Variants in FAM76B observed in about 807,000 individuals in gnomAD.
FAM76B encodes the protein protein FAM76B.
FAM76B carries 16 observed loss-of-function variants against 51.8 expected under a neutral mutation model. That is an observed-to-expected ratio of 0.31 (90% CI 0.21 to 0.47). The LOEUF is 0.47. Ranked by LOEUF, FAM76B falls within the 20% of genes least tolerant of loss-of-function variation. The pLI, the probability that FAM76B is intolerant of heterozygous loss-of-function variation, is 1.00. For missense variants in FAM76B, 342 were observed against 392.6 expected (o/e 0.87, Z 1.09); for synonymous variants, 166 against 129.5 (o/e 1.28, Z -1.91).
chr11:95,786,904 T>C (rs1319259722), intron 3 of FAM76B: 1 of 152,298 alleles, frequency 6.6e-6, no homozygotes, highest in East Asian at 1.9e-4. Flanking sequence ...GATTGTAGTA[T>C]ACATATAAGA....
At chr11:95,780,693 C>T in intron 5 of FAM76B, among the ~76,000 whole-genome samples, 1 of 151,902 alleles carries the variant, frequency 6.6e-6, no homozygotes, top group East Asian at 1.9e-4. Context: ...GAACCAGATG[C>T]CACGTATTTA....
chr11:95,772,818 C>CT (rs1279602872), intron 9 of FAM76B, among the ~76,000 whole-genome samples: 3 of 151,082 alleles, frequency 2.0e-5, no homozygotes, highest in Non-Finnish European at 3.0e-5. Context: ...CCCCACCCTT[C>CT]TTCTCCAATC....
chr11:95,784,928 CACAA>C (rs1190122755), intron 4 of FAM76B, among the ~76,000 whole-genome samples: 1 of 152,068 alleles, frequency 6.6e-6, no homozygotes, highest in Non-Finnish European at 1.5e-5. Flanking sequence ...CAAACAGGAA[CACAA>C]ACAAAATAAG....
intron 3 of FAM76B, 68 bp downstream of exon 3, chr11:95,787,556 T>C (rs1237086138): frequency 6.7e-7 from 1 of 1,498,204 alleles, no homozygotes; most frequent in Non-Finnish European, 9.2e-7. Context: ...ACATATTTTT[T>C]TAAAAGGTCC....
intron 8 of FAM76B, among the ~76,000 whole-genome samples, chr11:95,778,311 A>C (rs1281136228): frequency 6.6e-6 from 1 of 151,584 alleles, no homozygotes; most frequent in African/African-American, 2.4e-5. Flanking sequence ...AGTCCCAATA[A>C]GTACACTTAC....
chr11:95,786,448 A>AG (rs1860593854), intron 3 of FAM76B, 174 bp from the exon 4 acceptor site: 1 of 570,162 alleles, frequency 1.8e-6, no homozygotes, highest in Non-Finnish European at 3.0e-6. Flanking sequence ...ATTTCTATGC[A>AG]TTCAACTAGT....
intron 9 of FAM76B, among the ~76,000 whole-genome samples, chr11:95,775,012 A>C (rs12282411): frequency 2.1e-3 from 311 of 151,378 alleles, no homozygotes; most frequent in African/African-American, 7.2e-3. Flanking sequence ...TGAAAAAAAA[A>C]AAACAAAATG....
intron 9 of FAM76B, 88 bp downstream of exon 9, chr11:95,775,834 G>T: frequency 1.3e-6 from 1 of 752,082 alleles, no homozygotes; most frequent in Non-Finnish European, 2.0e-6. Context: ...CACAAAATAG[G>T]GCTACCAATA....
At position 95,789,541 on chromosome 11, in the gene FAM76B, G is replaced by C. The variant is rs1224051621; in HGVS notation, c.-63C>G. On this transcript the variant is annotated 5_prime_UTR_variant, in exon 1 of 10. Coordinates refer to ENST00000358780, the MANE Select transcript of FAM76B (RefSeq NM_144664.5). ...CGAGGCGGGGCCCTACGGAGAACCC[G>C]AGAGCCGCCGCCGCCCGGGCCGCGG... The C allele has an allele frequency of 9.5e-6, 14 of 1,469,066 alleles. No homozygotes were observed. Among genetic ancestry groups the C allele is most frequent in the Non-Finnish European group, 1.3e-5 (14 of 1,088,230 alleles). The allele number at this position is 1,469,066 out of a possible 1,614,324, so 91.0% of individuals were successfully genotyped here. A position where few individuals can be genotyped will look rare whatever the true frequency, so the allele number is the denominator to read the frequency against.
chr11:95,774,187 T>C (rs1859894966), intron 9 of FAM76B, among the ~76,000 whole-genome samples: 1 of 151,310 alleles, frequency 6.6e-6, no homozygotes, highest in African/African-American at 2.4e-5. Flanking sequence ...AAAGTATAGA[T>C]AAACTGGAGT....
At chr11:95,775,606 T>C (rs2120201037) in intron 9 of FAM76B, among the ~76,000 whole-genome samples, 1 of 151,308 alleles carries the variant, frequency 6.6e-6, no homozygotes, top group South Asian at 2.1e-4. Flanking sequence ...CTTAGTTTCA[T>C]TAATCTGATT....
In FAM76B at chr11:95,777,856, T is replaced by C. The variant is rs548478991; in HGVS notation, c.828+966A>G. Among the ~76,000 whole-genome samples the C allele has an allele frequency of 9.2e-5, 14 of 151,556 alleles. No individual in the cohort carries two copies. In the South Asian group the frequency reaches 2.3e-3, roughly 25 times the overall value. ...GGCCTTATTCTTTTAAAAGAAATGA[T>C]TTTAGTGTTCTCCTACTGCATAATA... On this transcript the variant is annotated intron_variant, in intron 8 of 9. Coordinates refer to ENST00000358780, the MANE Select transcript of FAM76B (RefSeq NM_144664.5).
At position 95,776,256 on chromosome 11, in the gene FAM76B, TTTTC is replaced by T. The variant is rs1338237746; in HGVS notation, c.829-237_829-234del. On this transcript the variant is annotated intron_variant, in intron 8 of 9. Transcript: ENST00000358780. ...CCTGACCATCAGTAAAACTTCTCAG[TTTTC>T]TTTTTTTCCTAAACATGGCTCGACT... 2.0e-5 allele frequency among the ~76,000 whole-genome samples: 3 copies of T among 151,456 alleles called. No individual in the cohort carries two copies. The East Asian group carries it at 5.8e-4, about 29-fold the overall frequency.
chr11:95,782,990 G>T, intron 5 of FAM76B, 75 bp downstream of exon 5: 1 of 1,560,676 alleles, frequency 6.4e-7, no homozygotes, highest in Non-Finnish European at 8.7e-7. Context: ...GTCAATATTT[G>T]CAAGAAGTAA....
intron 1 of FAM76B, 170 bp downstream of exon 1, chr11:95,789,222 G>A: frequency 1.0e-6 from 1 of 963,302 alleles, no homozygotes; most frequent in East Asian, 2.6e-5. Context: ...TCCGTTCCCA[G>A]CTAATGTTCA....
intron 8 of FAM76B, 114 bp downstream of exon 8, chr11:95,778,708 A>T: frequency 7.7e-7 from 1 of 1,302,806 alleles, no homozygotes; most frequent in South Asian, 1.8e-5. Flanking sequence ...GTCTTATAAA[A>T]ATCACGCACA....
chr11:95,789,073 A>T (rs1860801587), intron 1 of FAM76B: 1 of 1,405,392 alleles, frequency 7.1e-7, no homozygotes, highest in Non-Finnish European at 9.3e-7. Flanking sequence ...AGATGAAAAC[A>T]TCTCCACCCC....
rs1860862200 is a variant in FAM76B, at chr11:95,789,494, C to T, written c.-16G>A. ...AGGCCGCCATCCTGCTCCTCAGTCTCCTCCTCCGCCGCCGCCCGCTCCGAG... is the reference window on the plus strand; with the variant it reads ...AGGCCGCCATCCTGCTCCTCAGTCTTCTCCTCCGCCGCCGCCCGCTCCGAG... On this transcript the variant is annotated 5_prime_UTR_variant, in exon 1 of 10. Coordinates refer to ENST00000358780, the MANE Select transcript of FAM76B (RefSeq NM_144664.5). The T allele has an allele frequency of 6.5e-7, 1 of 1,534,824 alleles. No individual in the cohort carries two copies. Among genetic ancestry groups the T allele is most frequent in the Non-Finnish European group, 8.9e-7 (1 of 1,121,590 alleles).
chr11:95,788,211 T>G (rs2850627), intron 2 of FAM76B, among the ~76,000 whole-genome samples: 34,836 of 152,128 alleles, frequency 0.23, 8,527 homozygotes, highest in African/African-American at 0.61. Flanking sequence ...TACCATTTTT[T>G]TTTAGTTTAA....
Sources: allele counts gnomAD v4.1 joint callset (sites outside exome capture counted in the v4.1 genomes callset), GRCh38; gene constraint gnomAD v4.1.1; transcripts MANE v1.5; gene names NCBI Gene and HGNC (gene_info 2026-07-23, HGNC 2026-07-21).